ZNF280D: variants seen among roughly 807,000 people sequenced by gnomAD.
The protein encoded by ZNF280D is zinc finger protein 280D, also known as suppressor of hairy wing homolog 4.
ZNF280D carries 39 observed loss-of-function variants against 94.7 expected under a neutral mutation model. The observed-to-expected ratio is 0.41, with a 90% CI of 0.32 to 0.54. The LOEUF (loss-of-function observed/expected upper bound fraction) is 0.54, where lower values mean the gene tolerates loss of function less well. ZNF280D is among the 20% of genes least tolerant of loss of function. ZNF280D has a pLI of 0.22. For missense variants in ZNF280D, 1,090 were observed against 1,149.3 expected (o/e 0.95, Z 0.75); for synonymous variants, 398 against 377.6 (o/e 1.05, Z -0.63).
At chr15:56,686,742 A>C (rs1244079847) in intron 9 of ZNF280D, among the ~76,000 whole-genome samples, 1 of 152,204 alleles carries the variant, frequency 6.6e-6, no homozygotes, top group Non-Finnish European at 1.5e-5. Context: ...CAAAACAAAA[A>C]GGATTTGTGA....
intron 1 of ZNF280D, among the ~76,000 whole-genome samples, chr15:56,722,193 A>T (rs1484141289): frequency 1.3e-5 from 2 of 152,218 alleles, no homozygotes; most frequent in Admixed American, 1.3e-4. Context: ...CCCCAAAACA[A>T]TTACAATAGT....
Position 56,719,783 on chromosome 15 carries a change from G to A in ZNF280D, c.-85-12477C>T, listed in dbSNP as rs536384842. ...GTCACACGCATTGTTTGGTTTCTCA[G>A]TGAATATAAAAGTTAGGTTTACAAC... is the stretch of plus-strand genomic sequence containing the variant. On this transcript the variant is annotated intron_variant, in intron 1 of 21. Coordinates refer to ENST00000267807, the MANE Select transcript of ZNF280D (RefSeq NM_017661.4). Among the ~76,000 whole-genome samples the A allele has an allele frequency of 2.0e-4, 30 of 148,296 alleles. No individual in the cohort carries two copies. In the South Asian group the frequency reaches 4.8e-3, roughly 24 times the overall value.
chr15:56,715,444 G>C (rs1302517595), intron 1 of ZNF280D, among the ~76,000 whole-genome samples: 2 of 152,026 alleles, frequency 1.3e-5, no homozygotes, highest in Non-Finnish European at 2.9e-5. Context: ...TAGAGTTGTG[G>C]TTAAGGGATA....
At chr15:56,728,296 A>G (rs1327311821) in intron 1 of ZNF280D, among the ~76,000 whole-genome samples, 1 of 152,242 alleles carries the variant, frequency 6.6e-6, no homozygotes, top group Non-Finnish European at 1.5e-5. Context: ...CTGGGATTAC[A>G]GGCATAAGCC....
At chr15:56,645,720 T>A (rs372785211) in intron 19 of ZNF280D, among the ~76,000 whole-genome samples, 1 of 152,122 alleles carries the variant, frequency 6.6e-6, no homozygotes, top group Non-Finnish European at 1.5e-5. Flanking sequence ...CTAATTTTTG[T>A]ATTTTTAGTA....
chr15:56,669,880 TA>T (rs1370098281), intron 13 of ZNF280D, among the ~76,000 whole-genome samples: 1 of 7,164 alleles, frequency 1.4e-4, no homozygotes, highest in African/African-American at 2.8e-4. Flanking sequence ...ATTTTATATA[TA>T]TATATATTAT....
chr15:56,722,253 A>G (rs570697135), intron 1 of ZNF280D, among the ~76,000 whole-genome samples: 1 of 152,360 alleles, frequency 6.6e-6, no homozygotes, highest in African/African-American at 2.4e-5. Context: ...ATAATAATTT[A>G]AAGTCTGAAA....
At chr15:56,706,383 C>G (rs549138284) in intron 3 of ZNF280D, among the ~76,000 whole-genome samples, 3 of 151,588 alleles carry the variant, frequency 2.0e-5, no homozygotes, top group African/African-American at 7.3e-5. Context: ...GAGGCTGAGG[C>G]GGGAGAATCA....
chr15:56,641,020 A>T (rs1181817233), intron 20 of ZNF280D, among the ~76,000 whole-genome samples: 2 of 152,028 alleles, frequency 1.3e-5, no homozygotes, highest in African/African-American at 2.4e-5. Flanking sequence ...ATTTCACTGA[A>T]TTTTTTATAT....
At chr15:56,641,965 T>A (rs1275181915) in intron 20 of ZNF280D, among the ~76,000 whole-genome samples, 4 of 151,572 alleles carry the variant, frequency 2.6e-5, no homozygotes, top group African/African-American at 7.2e-5. Context: ...TTAAAATATA[T>A]AATAAGAATA....
intron 1 of ZNF280D, among the ~76,000 whole-genome samples, chr15:56,712,986 C>T (rs377564930): frequency 2.6e-5 from 4 of 152,058 alleles, no homozygotes; most frequent in Non-Finnish European, 2.9e-5. Context: ...GTGATCTGCC[C>T]GCCTTGGCCT....
In ZNF280D at chr15:56,720,480, T is replaced by G. The variant is rs146989598; in HGVS notation, c.-86+12978A>C. 2.6e-3 allele frequency among the ~76,000 whole-genome samples: 402 copies of G among 152,278 alleles called. 1 individual carries two copies. The highest frequency in any genetic ancestry group is 9.2e-3 in the African/African-American group (383 of 41,550). ...GGCTGGAACCAACTTCTTCCAAACT[T>G]CTGTTAATGTTGATATTTTGACCTC... is the stretch of plus-strand genomic sequence containing the variant. On this transcript the variant is annotated intron_variant, in intron 1 of 21. Transcript: ENST00000267807.
At chr15:56,733,320 G>T in intron 1 of ZNF280D, 138 bp downstream of exon 1, 1 of 360,882 alleles carries the variant, frequency 2.8e-6, no homozygotes, top group Non-Finnish European at 3.9e-6. Flanking sequence ...CTCCTCCCCC[G>T]CGCTCTGGGC....
chr15:56,636,425 A>G (rs1460097811), intron 20 of ZNF280D, among the ~76,000 whole-genome samples: 2 of 151,948 alleles, frequency 1.3e-5, no homozygotes, highest in Non-Finnish European at 2.9e-5. Context: ...CGCAACTTAC[A>G]CAACAGGCAC....
chr15:56,724,930 T>C (rs533888337), intron 1 of ZNF280D: 3 of 453,222 alleles, frequency 6.6e-6, no homozygotes, highest in African/African-American at 2.0e-5. Flanking sequence ...ATTTTGGTTA[T>C]GAAGGCCTTT....
At chr15:56,725,033 C>A (rs1037135899) in intron 1 of ZNF280D, 1 of 351,406 alleles carries the variant, frequency 2.8e-6, no homozygotes, top group African/African-American at 2.1e-5. Flanking sequence ...GCAAGAGATA[C>A]GACAGAGATT....
intron 20 of ZNF280D, 59 bp downstream of exon 20, chr15:56,642,893 A>C: frequency 8.0e-7 from 1 of 1,255,304 alleles, no homozygotes; most frequent in South Asian, 1.9e-5. Context: ...ATTTTATATC[A>C]TACCAATAAT....
At chr15:56,684,557 TGAA>T (rs1566978713) in intron 9 of ZNF280D, among the ~76,000 whole-genome samples, 5 of 145,148 alleles carry the variant, frequency 3.4e-5, no homozygotes, top group African/African-American at 1.3e-4. Context: ...ATCAGAGACA[TGAA>T]GACAAATTAG....
chr15:56,702,311 T>C (rs1288355886), intron 4 of ZNF280D, among the ~76,000 whole-genome samples: 1 of 152,200 alleles, frequency 6.6e-6, no homozygotes, highest in Non-Finnish European at 1.5e-5. Flanking sequence ...ATTTAGTGGG[T>C]GTAGTCTATG....
Sources: gnomAD v4.1 joint callset for allele counts (sites outside exome capture counted in the v4.1 genomes callset) on GRCh38, gnomAD v4.1.1 for gene constraint, MANE v1.5 for transcripts, NCBI Gene and HGNC (gene_info 2026-07-23, HGNC 2026-07-21) for gene names.